Variants in HS1BP3 observed in about 807,000 individuals in gnomAD.
The protein encoded by HS1BP3 is HCLS1 binding protein 3, also known as HCLS1-binding protein 3.
HS1BP3 carries 32 observed loss-of-function variants against 33.5 expected under a neutral mutation model. That is an observed-to-expected ratio of 0.95 (90% confidence interval 0.72 to 1.28). The LOEUF is 1.28. Ranked by LOEUF, HS1BP3 falls within the 50% of genes most tolerant of loss-of-function variation. HS1BP3 has a pLI of 0.00. For synonymous variants in HS1BP3, 187 were observed against 209.2 expected (o/e 0.89, Z 0.92); for missense variants, 486 against 502.3 (o/e 0.97, Z 0.31).
chr2:20,558,191 A>C (rs1225899367), downstream of HS1BP3, among the ~76,000 whole-genome samples: 1 of 152,202 alleles, frequency 6.6e-6, no homozygotes, highest in Non-Finnish European at 1.5e-5. Flanking sequence ...AGTGTAGGAC[A>C]GTTCTGAAGG....
chr2:20,619,346 C>T, intron 6 of HS1BP3, 101 bp from the exon 7 acceptor site: 2 of 1,051,100 alleles, frequency 1.9e-6, no homozygotes, highest in Non-Finnish European at 2.7e-6. Context: ...TGGGCAGCGG[C>T]AGGGAGCCCA....
chr2:20,623,828 A>G, intron 6 of HS1BP3, 68 bp downstream of exon 6: 1 of 1,506,556 alleles, frequency 6.6e-7, no homozygotes, highest in Non-Finnish European at 8.9e-7. Context: ...CTGGGCAATG[A>G]GCCGGGCCCT....
intron 4 of HS1BP3, among the ~76,000 whole-genome samples, chr2:20,629,213 C>T (rs1694892731): frequency 6.6e-6 from 1 of 152,196 alleles, no homozygotes; most frequent in African/African-American, 2.4e-5. Flanking sequence ...CTTCTCCTAG[C>T]ACAAACACCT....
intron 3 of HS1BP3, among the ~76,000 whole-genome samples, chr2:20,597,976 G>A (rs1693981919): frequency 6.6e-6 from 1 of 152,252 alleles, no homozygotes; most frequent in African/African-American, 2.4e-5. Flanking sequence ...TGGTGAGGAG[G>A]GACAATCCTG....
intron 3 of HS1BP3, chr2:20,640,739 G>C: frequency 1.6e-6 from 1 of 615,204 alleles, no homozygotes. Context: ...ACACTATGGA[G>C]AATGCCTGCT....
At chr2:20,613,298 T>TTG (rs1694351028), downstream of HS1BP3, among the ~76,000 whole-genome samples, 1 of 152,220 alleles carries the variant, frequency 6.6e-6, no homozygotes, top group African/African-American at 2.4e-5. Flanking sequence ...GTAAAGGCAG[T>TTG]TGGCCTGCAG....
downstream of HS1BP3, among the ~76,000 whole-genome samples, chr2:20,613,374 G>A (rs540787361): frequency 3.9e-5 from 6 of 152,310 alleles, no homozygotes; most frequent in African/African-American, 7.2e-5. Context: ...CGACTACCTC[G>A]GAGGCCAGCG....
chr2:20,633,647 T>A (rs1695032339), intron 4 of HS1BP3, among the ~76,000 whole-genome samples: 1 of 152,168 alleles, frequency 6.6e-6, no homozygotes, highest in Non-Finnish European at 1.5e-5. Context: ...CTCAGCCTCC[T>A]GAGTAGCTGG....
intron 3 of HS1BP3, among the ~76,000 whole-genome samples, chr2:20,593,778 C>T (rs575688771): frequency 6.6e-6 from 1 of 152,300 alleles, no homozygotes; most frequent in African/African-American, 2.4e-5. Flanking sequence ...TGCCCTGCTG[C>T]CCCTGCTGGT....
chr2:20,628,029 G>T (rs1035391989), intron 4 of HS1BP3, among the ~76,000 whole-genome samples: 4 of 152,136 alleles, frequency 2.6e-5, no homozygotes, highest in African/African-American at 7.2e-5. Flanking sequence ...GAGGGAAGAG[G>T]GATAGGCTCC....
At position 20,648,063 on chromosome 2, in the gene HS1BP3, T is replaced by C. The variant is rs557405784; in HGVS notation, c.33-2558A>G. On this transcript the variant is annotated intron_variant, in intron 1 of 6. Coordinates refer to ENST00000304031, the MANE Select transcript of HS1BP3 (RefSeq NM_022460.4). ...GGCTGGCTGCTCCTAAGGCCAACCT[T>C]CTACCAGGGCAGCGGCTCCGAGGCC... Among the ~76,000 whole-genome samples the C allele has an allele frequency of 2.8e-4, 43 of 152,302 alleles. No individual in the cohort carries two copies. In the South Asian group the frequency reaches 8.9e-3, roughly 32 times the overall value.
At chr2:20,597,915 G>A (rs1361391629) in intron 3 of HS1BP3, among the ~76,000 whole-genome samples, 1 of 152,136 alleles carries the variant, frequency 6.6e-6, no homozygotes, top group Non-Finnish European at 1.5e-5. Context: ...GGAGCCGGCT[G>A]CCTCCTTATC....
Position 20,641,122 on chromosome 2 carries a change from G to A in HS1BP3, c.257C>T (p.Ala86Val), listed in dbSNP as rs1412495788. The A allele has an allele frequency of 6.2e-7, 1 of 1,612,844 alleles. No individual in the cohort carries two copies. The stretch of plus-strand genomic sequence containing the variant: ...GGGTAGTGGGGGGAGGCTGGCTGCT[G>A]CATAACGACTGCTCAGTTTCTGGTA... ...EFYQKLSSRYAAASLPPLPRK... is the reference protein window; with the variant it reads ...EFYQKLSSRYVAASLPPLPRK... The change falls in exon 3 of 7, where the codon GCA becomes GTA. Residue 86 changes from alanine (A) to valine (V), a missense_variant. Ala to Val is a moderately conservative substitution (Grantham distance 64, BLOSUM62 0). Coordinates refer to ENST00000304031, the MANE Select transcript of HS1BP3 (RefSeq NM_022460.4).
chr2:20,635,512 A>G (rs1366278721), intron 4 of HS1BP3: 1 of 152,238 alleles, frequency 6.6e-6, no homozygotes, highest in East Asian at 1.9e-4. Context: ...ATTTTTCTAT[A>G]CTAATTGTGT....
At chr2:20,563,988 G>C (rs1333429788) in intron 5 of HS1BP3, among the ~76,000 whole-genome samples, 1 of 152,172 alleles carries the variant, frequency 6.6e-6, no homozygotes, top group Admixed American at 6.5e-5. Context: ...AGTTGTGCAT[G>C]CATAATATTA....
At chr2:20,634,387 C>T (rs1695057838) in intron 4 of HS1BP3, among the ~76,000 whole-genome samples, 1 of 152,250 alleles carries the variant, frequency 6.6e-6, no homozygotes, top group African/African-American at 2.4e-5. Context: ...CTATCTCTGC[C>T]AAGCTTTCAG....
intron 5 of HS1BP3, among the ~76,000 whole-genome samples, chr2:20,585,375 TCTCGAGTG>T (rs1190023012): frequency 1.3e-5 from 2 of 150,518 alleles, no homozygotes; most frequent in Non-Finnish European, 2.9e-5. Context: ...CTCCTTTTAC[TCTCGAGTG>T]TCCCGGTCTG....
chr2:20,582,027 TC>T (rs1693546563), intron 5 of HS1BP3, among the ~76,000 whole-genome samples: 1 of 152,076 alleles, frequency 6.6e-6, no homozygotes, highest in African/African-American at 2.4e-5. Context: ...CACAAAATAG[TC>T]TGTTTTTATT....
chr2:20,578,128 G>C (rs982536338), intron 5 of HS1BP3, among the ~76,000 whole-genome samples: 2 of 152,238 alleles, frequency 1.3e-5, no homozygotes, highest in Non-Finnish European at 2.9e-5. Context: ...TCCCTGGCAA[G>C]GGGTGCAGGA....
Sources: gnomAD v4.1 joint callset for allele counts (sites outside exome capture counted in the v4.1 genomes callset) on GRCh38, gnomAD v4.1.1 for gene constraint, MANE v1.5 for transcripts, NCBI Gene and HGNC (gene_info 2026-07-23, HGNC 2026-07-21) for gene names.